The following TENM3 variants were observed in gnomAD, a reference collection of about 807,000 sequenced individuals.
TENM3 encodes the protein teneurin-3.
Under a neutral mutation model 255.1 loss-of-function variants are expected in TENM3, and 63 were observed. The observed-to-expected ratio is 0.25, with a 90% CI of 0.20 to 0.30. The LOEUF (loss-of-function observed/expected upper bound fraction) is 0.30. Among genes scored for constraint, TENM3 ranks in the 10% least tolerant of loss-of-function variants. The probability of loss-of-function intolerance (pLI) is 1.00; values close to 1 mark genes in which losing one functional copy is unlikely to be tolerated. For missense variants in TENM3, 2,929 were observed against 3,461.1 expected, an observed-to-expected ratio of 0.85 and a Z score of 3.86; for synonymous variants, 1,306 against 1,322.3, an observed-to-expected ratio of 0.99 and a Z score of 0.27.
chr4:181,742,100 G>C, the TENM3 span, among the ~76,000 whole-genome samples: 1 of 152,090 alleles, frequency 6.6e-6, no homozygotes, highest in East Asian at 1.9e-4. Context: ...CTCCACTACT[G>C]TTTGACCTTG....
the TENM3 span, among the ~76,000 whole-genome samples, chr4:181,735,646 T>C: frequency 1.3e-5 from 2 of 152,158 alleles, no homozygotes; most frequent in African/African-American, 4.8e-5. Flanking sequence ...ATCTCTCTTA[T>C]ATGGCCTGGG....
the TENM3 span, among the ~76,000 whole-genome samples, chr4:181,910,537 CAA>C: frequency 0.048 from 5,188 of 107,678 alleles, 84 homozygotes; most frequent in Non-Finnish European, 0.053. Flanking sequence ...GACTCCATCT[CAA>C]AAAAAAAAAA....
chr4:181,908,492 G>T, the TENM3 span, among the ~76,000 whole-genome samples: 2 of 151,964 alleles, frequency 1.3e-5, no homozygotes, highest in East Asian at 3.9e-4. Flanking sequence ...TCCATATTGG[G>T]TGATACATTT....
the TENM3 span, among the ~76,000 whole-genome samples, chr4:181,625,553 C>G: frequency 5.3e-5 from 8 of 152,120 alleles, no homozygotes; most frequent in Non-Finnish European, 1.0e-4. Flanking sequence ...TGGCTCATGC[C>G]TGTAATCCCA....
intron 1 of TENM3, among the ~76,000 whole-genome samples, chr4:182,151,960 G>A (rs983025660): frequency 6.6e-6 from 1 of 151,918 alleles, no homozygotes; most frequent in East Asian, 1.9e-4. Context: ...ACAAAAATAA[G>A]GCACTCTTAA....
At chr4:182,386,876 T>C (rs1229290777) in intron 3 of TENM3, among the ~76,000 whole-genome samples, 2 of 152,210 alleles carry the variant, frequency 1.3e-5, no homozygotes, top group African/African-American at 4.8e-5. Context: ...CCCCGACGAA[T>C]GCCGCCCCCT....
chr4:182,054,752 C>T, the TENM3 span, among the ~76,000 whole-genome samples: 2 of 151,986 alleles, frequency 1.3e-5, no homozygotes, highest in Non-Finnish European at 2.9e-5. Flanking sequence ...ATCAAAACAT[C>T]TCATGTGCCC....
the TENM3 span, among the ~76,000 whole-genome samples, chr4:181,605,584 G>GAAGAAAGAAAGAAAGAAAGAAAGAAA: frequency 2.9e-5 from 2 of 69,142 alleles, no homozygotes. Context: ...GAGAAAGAAA[G>GAAGAAAGAAAGAAAGAAAGAAAGAAA]GAAAGAAAGA....
intron 3 of TENM3, among the ~76,000 whole-genome samples, chr4:182,378,809 T>G (rs1050443007): frequency 6.6e-6 from 1 of 152,110 alleles, no homozygotes; most frequent in Non-Finnish European, 1.5e-5. Context: ...ATGAAAGGGT[T>G]TTGAACAGGG....
the TENM3 span, among the ~76,000 whole-genome samples, chr4:181,982,037 T>C: frequency 1.0e-3 from 156 of 152,234 alleles, no homozygotes; most frequent in African/African-American, 3.5e-3. Flanking sequence ...ACCTTGAACC[T>C]GAGAGAGATC....
chr4:182,758,167 T>G (rs1474223085), intron 22 of TENM3, among the ~76,000 whole-genome samples: 1 of 152,200 alleles, frequency 6.6e-6, no homozygotes, highest in Non-Finnish European at 1.5e-5. Context: ...AAATAATGTG[T>G]TAAAGAAGAG....
chr4:182,711,998 TGTCAATCTAAAGAA>T (rs1231445714), intron 12 of TENM3, among the ~76,000 whole-genome samples: 14 of 152,172 alleles, frequency 9.2e-5, no homozygotes, highest in Non-Finnish European at 1.9e-4. Flanking sequence ...AATAAGAAAT[TGTCAATCTAAAGAA>T]GATCCTGGTT....
intron 3 of TENM3, among the ~76,000 whole-genome samples, chr4:182,426,334 G>A (rs1771220403): frequency 6.6e-6 from 1 of 152,030 alleles, no homozygotes. Flanking sequence ...CTTTGACTTT[G>A]AAAAACTAAT....
At chr4:181,950,678 G>A in the TENM3 span, among the ~76,000 whole-genome samples, 2,243 of 152,202 alleles carry the variant, frequency 0.015, 50 homozygotes, top group African/African-American at 0.051. Context: ...TTCATGCACT[G>A]TTACTAACAA....
chr4:181,605,574 G>GAGAGAGAGAGAA, the TENM3 span, among the ~76,000 whole-genome samples: 3 of 22,030 alleles, frequency 1.4e-4, no homozygotes, highest in African/African-American at 3.3e-4. Context: ...AAGAAAGAGA[G>GAGAGAGAGAGAA]AGAAAGAAAG....
At chr4:182,445,805 T>A (rs1468869694) in intron 3 of TENM3, among the ~76,000 whole-genome samples, 2 of 152,206 alleles carry the variant, frequency 1.3e-5, no homozygotes, top group Non-Finnish European at 2.9e-5. Context: ...CATAATTCAA[T>A]ATATTTGATA....
At chr4:182,275,055 C>T (rs1463177112) in intron 1 of TENM3, among the ~76,000 whole-genome samples, 1 of 152,154 alleles carries the variant, frequency 6.6e-6, no homozygotes, top group East Asian at 1.9e-4. Context: ...GAGCTCTTGA[C>T]CTCAAGTGAT....
intron 4 of TENM3, among the ~76,000 whole-genome samples, chr4:182,616,660 A>G (rs1221680387): frequency 6.6e-6 from 1 of 151,414 alleles, no homozygotes; most frequent in Non-Finnish European, 1.5e-5. Flanking sequence ...TTCTCCCGGA[A>G]GATTCCCAGC....
At chr4:182,159,394 CAGGG>C (rs1371760857) in intron 1 of TENM3, among the ~76,000 whole-genome samples, 1 of 152,018 alleles carries the variant, frequency 6.6e-6, no homozygotes, top group Admixed American at 6.6e-5. Context: ...AGCTAACACA[CAGGG>C]AGGTCCTAGT....
Sources: allele counts gnomAD v4.1 joint callset (sites outside exome capture counted in the v4.1 genomes callset), GRCh38; gene constraint gnomAD v4.1.1; transcripts MANE v1.5; gene names NCBI Gene and HGNC (gene_info 2026-07-23, HGNC 2026-07-21).